BYSL: variants seen among roughly 807,000 people sequenced by gnomAD.
BYSL encodes the protein bystin like.
BYSL carries 21 observed loss-of-function variants against 45.4 expected under a neutral mutation model. The observed-to-expected ratio is 0.46, with a 90% CI of 0.33 to 0.67. The LOEUF (loss-of-function observed/expected upper bound fraction) is 0.67, where lower values mean the gene tolerates loss of function less well. Among genes scored for constraint, BYSL ranks in the 30% least tolerant of loss-of-function variants. The pLI is 0.02. For synonymous variants in BYSL, 215 were observed against 231.3 expected (o/e 0.93, Z 0.64); for missense variants, 522 against 578.5 (o/e 0.90, Z 1.00).
At chr6:41,931,604 G>A (rs1775640814) in intron 5 of BYSL, 48 bp downstream of exon 5, 10 of 1,613,346 alleles carry the variant, frequency 6.2e-6, no homozygotes, top group Non-Finnish European at 8.5e-6. Flanking sequence ...GAGCTTCTAT[G>A]GGGAACACAG....
At chr6:41,927,599 C>A in intron 2 of BYSL, 63 bp downstream of exon 2, 1 of 1,585,558 alleles carries the variant, frequency 6.3e-7, no homozygotes, top group Non-Finnish European at 8.6e-7. Flanking sequence ...AACAAGTTCC[C>A]TGGCAGACTT....
intron 1 of BYSL, among the ~76,000 whole-genome samples, chr6:41,924,688 T>C (rs1443041725): frequency 6.6e-6 from 1 of 152,108 alleles, no homozygotes; most frequent in Non-Finnish European, 1.5e-5. Flanking sequence ...GTGGGAAGAA[T>C]GGGAAGCTAC....
intron 1 of BYSL, among the ~76,000 whole-genome samples, chr6:41,925,670 TTTTATTTA>T (rs71545925): frequency 6.7e-6 from 1 of 149,214 alleles, no homozygotes; most frequent in African/African-American, 2.5e-5. Flanking sequence ...GCCTATTTAT[TTTTATTTA>T]TTTATTTATT....
intron 1 of BYSL, among the ~76,000 whole-genome samples, chr6:41,926,738 C>T (rs1243447996): frequency 1.3e-5 from 2 of 150,584 alleles, no homozygotes; most frequent in South Asian, 2.1e-4. Context: ...CGTGAGCCAC[C>T]GTGCCCGGCC....
At chr6:41,915,398 G>A in the BYSL span, among the ~76,000 whole-genome samples, 2 of 152,234 alleles carry the variant, frequency 1.3e-5, no homozygotes, top group African/African-American at 4.8e-5. Context: ...GGAGGCTAAG[G>A]TGGGAGGATC....
chr6:41,909,489 T>G, the BYSL span: 5 of 1,614,156 alleles, frequency 3.1e-6, no homozygotes, highest in African/African-American at 6.7e-5. Context: ...GTACTCTGAG[T>G]TGTGCATCAC....
Position 41,932,698 on chromosome 6 carries a change from G to A in BYSL, c.1306G>A (p.Val436Met), listed in dbSNP as rs770724028. Residue 436 changes from valine (V) to methionine (M), a missense_variant, in exon 7 of 7, where the codon GTG becomes ATG. Val to Met is a conservative substitution (Grantham distance 21). Coordinates refer to ENST00000230340, the MANE Select transcript of BYSL (RefSeq NM_004053.4). This position sits in a 1 kb window ranked among gnomAD's most constrained non-coding sequence, Gnocchi z 4.7. ...PRDVEDVPITVE is the reference protein window; with the variant it reads ...PRDVEDVPITME ...CGATGTGGAAGATGTTCCCATCACC[G>A]TGGAGTGAGGAAAACAGTCAGCTGT... The A allele has an allele frequency of 9.3e-6, 15 of 1,605,972 alleles. No homozygotes were observed. The highest frequency in any genetic ancestry group is 1.7e-4 in the Middle Eastern group (1 of 6,050).
At chr6:41,915,391 G>C in the BYSL span, among the ~76,000 whole-genome samples, 2 of 152,192 alleles carry the variant, frequency 1.3e-5, no homozygotes, top group Non-Finnish European at 2.9e-5. Flanking sequence ...CTACTCAGGA[G>C]GCTAAGGTGG....
At chr6:41,931,322 C>T in intron 4 of BYSL, 74 bp from the exon 5 acceptor site, 1 of 1,545,866 alleles carries the variant, frequency 6.5e-7, no homozygotes, top group Non-Finnish European at 8.9e-7. Context: ...TATGCACTAT[C>T]CATGGTGATA....
chr6:41,927,726 C>T (rs1582072973), intron 2 of BYSL, 190 bp downstream of exon 2: 1 of 626,242 alleles, frequency 1.6e-6, no homozygotes, highest in East Asian at 3.0e-5. Context: ...CCTCAAAAAA[C>T]ATTGTGTCCT....
At chr6:41,922,501 C>A (rs1198921957) in intron 1 of BYSL, among the ~76,000 whole-genome samples, 1 of 152,228 alleles carries the variant, frequency 6.6e-6, no homozygotes, top group African/African-American at 2.4e-5. Flanking sequence ...ATATTTGACA[C>A]AATTGAATAG....
In BYSL at chr6:41,921,808, G is replaced by T. The variant is rs769134151; in HGVS notation, c.246G>T (p.Pro82=). The T allele has an allele frequency of 6.2e-7, 1 of 1,611,794 alleles. No homozygotes were observed. Among genetic ancestry groups the T allele is most frequent in the South Asian group, 1.1e-5 (1 of 90,932 alleles). ...GGACTGGGGACAAGCCCGCGGCGCC[G>T]CGGGAACGCACCACGCGGCTGGGTG... ...EHGTGDKPAA[P]RERTTRLGPR... is the part of the protein sequence containing the mutation. Residue 82 remains proline (P), a synonymous_variant, in exon 1 of 7, where the codon CCG becomes CCT. Coordinates refer to ENST00000230340, the MANE Select transcript of BYSL (RefSeq NM_004053.4).
the BYSL span, among the ~76,000 whole-genome samples, chr6:41,912,221 TGTAAAGATGAGGTC>T: frequency 6.8e-6 from 1 of 146,790 alleles, no homozygotes. Context: ...TTTTTTTTTT[TGTAAAGATGAGGTC>T]TTACCATCTT....
chr6:41,925,670 T>TTTTA (rs71545925), intron 1 of BYSL, among the ~76,000 whole-genome samples: 27,204 of 149,110 alleles, frequency 0.18, 3,043 homozygotes, highest in East Asian at 0.29. Context: ...GCCTATTTAT[T>TTTTA]TTTATTTATT....
chr6:41,917,024 T>C (rs1240433111), upstream of BYSL: 27 of 1,423,930 alleles, frequency 1.9e-5, no homozygotes, highest in Admixed American at 4.8e-4. Context: ...GCATCACAGC[T>C]CATCAGGGCC....
the BYSL span, among the ~76,000 whole-genome samples, chr6:41,913,398 G>A: frequency 6.6e-6 from 1 of 152,130 alleles, no homozygotes; most frequent in Non-Finnish European, 1.5e-5. Flanking sequence ...GAAAGTGAGG[G>A]CCTGCTCAGC....
Position 41,930,624 on chromosome 6 carries a change from C to T in BYSL, c.571-11C>T. 1 of 1,600,988 alleles carries T rather than the reference C, an allele frequency of 6.2e-7. No homozygotes were observed. The highest frequency in any genetic ancestry group is 8.5e-7 in the Non-Finnish European group (1 of 1,175,010). On this transcript the variant is annotated splice_polypyrimidine_tract_variant and intron_variant, in intron 3 of 6. Coordinates refer to ENST00000230340, the MANE Select transcript of BYSL (RefSeq NM_004053.4). Reference sequence around the variant, plus strand: ...GGATGACGATGATTGTTTTACCTCCCTCATCCCTAGGTATTATCTAAGTAC... The same window carrying T: ...GGATGACGATGATTGTTTTACCTCCTTCATCCCTAGGTATTATCTAAGTAC...
At chr6:41,926,442 AT>A (rs1328947394) in intron 1 of BYSL, among the ~76,000 whole-genome samples, 3 of 151,430 alleles carry the variant, frequency 2.0e-5, no homozygotes, top group Admixed American at 2.0e-4. Context: ...GGTTTATTTT[AT>A]TTTTTTTAAT....
Position 41,921,739 on chromosome 6 carries a change from G to A in BYSL, c.177G>A (p.Leu59=), listed in dbSNP as rs779083404. ...GGCCCCGGCTGAGCCGACGGATTTTGCAGCAAGCACGGCAGCAACAGGAGG... is the reference window on the plus strand; with the variant it reads ...GGCCCCGGCTGAGCCGACGGATTTTACAGCAAGCACGGCAGCAACAGGAGG... The part of the protein sequence containing the change: ...YVGPRLSRRI[L]QQARQQQEEL... The change falls in exon 1 of 7, where the codon TTG becomes TTA. Residue 59 remains leucine (L), a synonymous_variant. Transcript: ENST00000230340. The A allele has an allele frequency of 1.5e-5, 25 of 1,613,536 alleles. No homozygotes were observed. The highest frequency in any genetic ancestry group is 2.0e-5 in the Non-Finnish European group (24 of 1,179,914).
Sources: allele counts gnomAD v4.1 joint callset (sites outside exome capture counted in the v4.1 genomes callset), GRCh38; gene constraint gnomAD v4.1.1; non-coding constraint Gnocchi (gnomAD v3.1); transcripts MANE v1.5; gene names NCBI Gene and HGNC (gene_info 2026-07-23, HGNC 2026-07-21).